Variants in SCEL observed in about 807,000 individuals in gnomAD.
SCEL encodes sciellin.
Under a neutral mutation model 117.6 loss-of-function variants are expected in SCEL, and 113 were observed. The ratio of observed to expected loss-of-function variants is 0.96; its 90% CI spans 0.83 to 1.12. The LOEUF (loss-of-function observed/expected upper bound fraction) is 1.12, where lower values mean the gene tolerates loss of function less well. Ranked by LOEUF, SCEL falls within the 50% of genes most tolerant of loss-of-function variation. The probability of loss-of-function intolerance (pLI) is 0.00; values close to 1 mark genes in which losing one functional copy is unlikely to be tolerated. For synonymous variants in SCEL, 270 were observed against 256.2 expected (o/e 1.05, Z -0.51); for missense variants, 785 against 810.8 (o/e 0.97, Z 0.39).
At chr13:77,558,614 G>T (rs1462225035) in intron 3 of SCEL, among the ~76,000 whole-genome samples, 1 of 151,964 alleles carries the variant, frequency 6.6e-6, no homozygotes. Flanking sequence ...AGGAGTTTGA[G>T]ACCAGCCTGG....
intron 4 of SCEL, 145 bp downstream of exon 4, chr13:77,560,008 C>T: frequency 1.4e-6 from 1 of 721,554 alleles, no homozygotes; most frequent in Non-Finnish European, 2.4e-6. Context: ...TCTGTGATAT[C>T]ATCAGAGGTT....
chr13:77,600,549 T>C (rs773617267), intron 15 of SCEL, among the ~76,000 whole-genome samples: 2 of 152,204 alleles, frequency 1.3e-5, no homozygotes, highest in Non-Finnish European at 2.9e-5. Flanking sequence ...GCTATGCTTT[T>C]ATTTATTTTA....
intron 28 of SCEL, among the ~76,000 whole-genome samples, chr13:77,633,873 A>G (rs911945586): frequency 3.9e-5 from 6 of 152,202 alleles, no homozygotes; most frequent in Non-Finnish European, 7.3e-5. Context: ...TCTGGATAGG[A>G]AATTATCAAA....
chr13:77,587,057 C>G (rs964776647), intron 9 of SCEL, among the ~76,000 whole-genome samples: 21 of 151,934 alleles, frequency 1.4e-4, no homozygotes, highest in African/African-American at 5.1e-4. Context: ...GCCTAGAAAA[C>G]CATTTCACAC....
At chr13:77,595,081 C>G (rs2087141584) in intron 12 of SCEL, among the ~76,000 whole-genome samples, 1 of 152,114 alleles carries the variant, frequency 6.6e-6, no homozygotes, top group South Asian at 2.1e-4. Context: ...ATCTGAGAAA[C>G]AGATAAGTGA....
chr13:77,597,595 AT>A lies in SCEL; in HGVS notation c.797+11del. On this transcript the variant is annotated splice_region_variant and intron_variant, in intron 13 of 32. Transcript: ENST00000349847. ...ATGAACAAAAGCTTGAATAGGTAAG[AT>A]TTTTAAATGTTTATCTTTTATTACT... 7.0e-7 allele frequency: 1 copy of A among 1,426,186 alleles called. No individual in the cohort carries two copies. The highest frequency in any genetic ancestry group is 9.6e-7 in the Non-Finnish European group (1 of 1,042,306). 88.3% of individuals were successfully genotyped at this position (1,426,186 alleles called of 1,614,324 possible).
Position 77,560,932 on chromosome 13 carries a change from C to T in SCEL, c.221+1069C>T, listed in dbSNP as rs531796925. Among the ~76,000 whole-genome samples the T allele has an allele frequency of 2.7e-5, 4 of 149,842 alleles. No individual in the cohort carries two copies. In the South Asian group the frequency reaches 8.3e-4, roughly 31 times the overall value. ...TTTGGAAACTTTTGTTTATGAATTT[C>T]TGTCAACCCTTTTAAACTTTTTCAT... On this transcript the variant is annotated intron_variant, in intron 4 of 32. Transcript: ENST00000349847.
chr13:77,588,142 A>G (rs1245232511), intron 9 of SCEL, among the ~76,000 whole-genome samples: 1 of 152,188 alleles, frequency 6.6e-6, no homozygotes, highest in African/African-American at 2.4e-5. Flanking sequence ...GCCTTTGAGA[A>G]CAAGGACATT....
At chr13:77,615,789 G>A (rs2088977557) in intron 24 of SCEL, among the ~76,000 whole-genome samples, 1 of 151,928 alleles carries the variant, frequency 6.6e-6, no homozygotes, top group African/African-American at 2.4e-5. Context: ...TTAACACATG[G>A]TGTTGCCTTT....
At chr13:77,545,530 A>T (rs1436451390) in intron 1 of SCEL, among the ~76,000 whole-genome samples, 2 of 152,260 alleles carry the variant, frequency 1.3e-5, no homozygotes, top group East Asian at 1.9e-4. Context: ...AGAAATATCC[A>T]TGTATATATA....
intron 9 of SCEL, among the ~76,000 whole-genome samples, chr13:77,579,882 G>A (rs2086171724): frequency 6.6e-6 from 1 of 152,174 alleles, no homozygotes; most frequent in Non-Finnish European, 1.5e-5. Flanking sequence ...GTGCCAGAGA[G>A]TACGGTGTGT....
chr13:77,617,202 A>C (rs2089118792), intron 24 of SCEL, among the ~76,000 whole-genome samples: 1 of 152,154 alleles, frequency 6.6e-6, no homozygotes, highest in East Asian at 1.9e-4. Context: ...CTTTATATGA[A>C]GAATAATCCT....
chr13:77,542,399 C>CAACAAACAAACA (rs139263630), intron 1 of SCEL, among the ~76,000 whole-genome samples: 14 of 151,756 alleles, frequency 9.2e-5, no homozygotes, highest in African/African-American at 3.4e-4. Context: ...GATTCCGTCT[C>CAACAAACAAACA]AACAAACAAA....
intron 27 of SCEL, among the ~76,000 whole-genome samples, chr13:77,626,156 A>C (rs2089721591): frequency 6.6e-6 from 1 of 152,132 alleles, no homozygotes; most frequent in Non-Finnish European, 1.5e-5. Context: ...GGAGGAGCAA[A>C]AGTATGTCTT....
intron 3 of SCEL, among the ~76,000 whole-genome samples, chr13:77,557,206 ATATGG>A (rs1393828717): frequency 6.6e-6 from 1 of 152,206 alleles, no homozygotes; most frequent in Non-Finnish European, 1.5e-5. Flanking sequence ...AAGGTGGGAT[ATATGG>A]TATTACTTTG....
At chr13:77,630,138 G>A (rs572784001) in intron 28 of SCEL, among the ~76,000 whole-genome samples, 2 of 152,126 alleles carry the variant, frequency 1.3e-5, no homozygotes, top group African/African-American at 4.8e-5. Flanking sequence ...TATCCTTGGG[G>A]GAGAATGAGA....
intron 1 of SCEL, among the ~76,000 whole-genome samples, chr13:77,546,311 C>T (rs972798861): frequency 6.6e-6 from 1 of 152,166 alleles, no homozygotes; most frequent in Non-Finnish European, 1.5e-5. Flanking sequence ...CATGTAGTAT[C>T]ACTTACTGAA....
chr13:77,559,779 A>T, intron 3 of SCEL, 25 bp from the exon 4 acceptor site: 1 of 1,607,292 alleles, frequency 6.2e-7, no homozygotes. Context: ...TTTCTATGTG[A>T]CATACTTTTG....
intron 9 of SCEL, among the ~76,000 whole-genome samples, chr13:77,583,395 G>A (rs2086374709): frequency 6.6e-6 from 1 of 152,174 alleles, no homozygotes; most frequent in South Asian, 2.1e-4. Flanking sequence ...TAGAAAGCGA[G>A]GCATCATCAC....
Sources: gnomAD v4.1 joint callset for allele counts (sites outside exome capture counted in the v4.1 genomes callset) on GRCh38, gnomAD v4.1.1 for gene constraint, MANE v1.5 for transcripts, NCBI Gene and HGNC (gene_info 2026-07-23, HGNC 2026-07-21) for gene names.